AKR1C8: variants seen among roughly 807,000 people sequenced by gnomAD.
AKR1C8 encodes the protein aldo-keto reductase family 1 member C-like protein 1.
chr10:5,165,863 T>G, the AKR1C8 span, among the ~76,000 whole-genome samples: 1 of 151,856 alleles, frequency 6.6e-6, no homozygotes, highest in African/African-American at 2.4e-5. Flanking sequence ...ATCTAAGAAA[T>G]CTAGAAAGAC....
chr10:5,166,784 A>C, the AKR1C8 span, among the ~76,000 whole-genome samples: 1 of 152,230 alleles, frequency 6.6e-6, no homozygotes, highest in Non-Finnish European at 1.5e-5. Flanking sequence ...CAAAATTGAC[A>C]AATGGGATCT....
At chr10:5,119,910 T>A in the AKR1C8 span, among the ~76,000 whole-genome samples, 1 of 152,310 alleles carries the variant, frequency 6.6e-6, no homozygotes, top group East Asian at 1.9e-4. Flanking sequence ...ATAACATGTA[T>A]CTCTAATATC....
chr10:5,129,264 T>A, the AKR1C8 span, among the ~76,000 whole-genome samples: 1 of 152,028 alleles, frequency 6.6e-6, no homozygotes, highest in African/African-American at 2.4e-5. Context: ...ACCTCTGGAA[T>A]ATAGCAAAAG....
At chr10:5,135,429 A>T in the AKR1C8 span, among the ~76,000 whole-genome samples, 72 of 152,318 alleles carry the variant, frequency 4.7e-4, no homozygotes, top group African/African-American at 1.7e-3. Context: ...GTTTTTTATC[A>T]AAGAGAATTC....
the AKR1C8 span, chr10:5,154,300 C>A: frequency 2.4e-6 from 1 of 410,970 alleles, no homozygotes; most frequent in Non-Finnish European, 5.1e-6. Flanking sequence ...CCTACTTGTA[C>A]CTCGGCACAC....
At chr10:5,180,334 A>G in the AKR1C8 span, among the ~76,000 whole-genome samples, 1 of 152,152 alleles carries the variant, frequency 6.6e-6, no homozygotes. Flanking sequence ...TTCCTCTGGA[A>G]GTTTTGTCTC....
At chr10:5,132,621 T>C in the AKR1C8 span, 1 of 1,584,494 alleles carries the variant, frequency 6.3e-7, no homozygotes, top group East Asian at 2.2e-5. Context: ...GTAGAATATG[T>C]CTTCTCTCTT....
At chr10:5,144,572 C>T in the AKR1C8 span, among the ~76,000 whole-genome samples, 2 of 151,174 alleles carry the variant, frequency 1.3e-5, no homozygotes, top group Non-Finnish European at 3.0e-5. Flanking sequence ...TGTAGTTCTC[C>T]TTGAAAAGGT....
At chr10:5,131,850 A>G in the AKR1C8 span, among the ~76,000 whole-genome samples, 1 of 152,064 alleles carries the variant, frequency 6.6e-6, no homozygotes, top group African/African-American at 2.4e-5. Context: ...GGCATCTATC[A>G]AAAAGAAAAG....
the AKR1C8 span, among the ~76,000 whole-genome samples, chr10:5,173,571 A>T: frequency 6.6e-6 from 1 of 152,042 alleles, no homozygotes; most frequent in Non-Finnish European, 1.5e-5. Flanking sequence ...ATAGTGGTAC[A>T]AACTTATACA....
the AKR1C8 span, among the ~76,000 whole-genome samples, chr10:5,145,689 CA>C: frequency 6.6e-6 from 1 of 152,132 alleles, no homozygotes; most frequent in African/African-American, 2.4e-5. Context: ...ATTAAAAAGT[CA>C]GGAAACAACA....
the AKR1C8 span, among the ~76,000 whole-genome samples, chr10:5,119,275 G>T: frequency 0.28 from 42,044 of 152,100 alleles, 6,254 homozygotes; most frequent in African/African-American, 0.39. Flanking sequence ...AGATGATTAA[G>T]AATCTTAATA....
chr10:5,159,099 C>T, the AKR1C8 span, among the ~76,000 whole-genome samples: 3 of 152,086 alleles, frequency 2.0e-5, no homozygotes, highest in South Asian at 2.1e-4. Context: ...ATGACAATGA[C>T]GCATGCTGCC....
the AKR1C8 span, among the ~76,000 whole-genome samples, chr10:5,172,162 G>C: frequency 6.6e-6 from 1 of 152,076 alleles, no homozygotes; most frequent in South Asian, 2.1e-4. Flanking sequence ...AACAGTTATA[G>C]TGGCATTTTA....
the AKR1C8 span, among the ~76,000 whole-genome samples, chr10:5,117,063 A>G: frequency 6.6e-6 from 1 of 152,216 alleles, no homozygotes; most frequent in South Asian, 2.1e-4. Context: ...TACATTGAAA[A>G]TAAGTCAGAT....
the AKR1C8 span, among the ~76,000 whole-genome samples, chr10:5,124,991 T>TAA: frequency 6.9e-6 from 1 of 145,544 alleles, no homozygotes; most frequent in Non-Finnish European, 1.5e-5. Context: ...TTTGAAAACG[T>TAA]AAAAAAAAAA....
At chr10:5,185,009 T>G in the AKR1C8 span, 1 of 534,642 alleles carries the variant, frequency 1.9e-6, no homozygotes, top group Non-Finnish European at 3.8e-6. Flanking sequence ...GGGGTCCACT[T>G]ACATGATCAG....
At chr10:5,160,219 A>C in the AKR1C8 span, among the ~76,000 whole-genome samples, 2 of 152,288 alleles carry the variant, frequency 1.3e-5, no homozygotes, top group East Asian at 3.9e-4. Context: ...TACTCATAAC[A>C]GCAAGTAGAC....
the AKR1C8 span, among the ~76,000 whole-genome samples, chr10:5,143,532 G>A: frequency 6.6e-6 from 1 of 151,956 alleles, no homozygotes; most frequent in East Asian, 1.9e-4. Context: ...GTGCTTGGTA[G>A]CGCTTTTCAG....
Sources: allele counts gnomAD v4.1 joint callset (sites outside exome capture counted in the v4.1 genomes callset), GRCh38; gene constraint gnomAD v4.1.1; transcripts MANE v1.5; gene names NCBI Gene and HGNC (gene_info 2026-07-23, HGNC 2026-07-21).